Variants in RIMS1 observed in about 807,000 individuals in gnomAD.
RIMS1 encodes the protein regulating synaptic membrane exocytosis 1.
Under a neutral mutation model 214.1 loss-of-function variants are expected in RIMS1, and 83 were observed. That is an observed-to-expected ratio of 0.39 (90% CI 0.32 to 0.47). The LOEUF is 0.47. Ranked by LOEUF, RIMS1 falls within the 20% of genes least tolerant of loss-of-function variation. RIMS1 has a pLI of 0.99. For synonymous variants in RIMS1, 793 were observed against 786.8 expected (o/e 1.01, Z -0.13); for missense variants, 2,050 against 2,161.8 (o/e 0.95, Z 1.03).
At chr6:72,073,249 C>G (rs1222748938) in intron 2 of RIMS1, among the ~76,000 whole-genome samples, 1 of 152,110 alleles carries the variant, frequency 6.6e-6, no homozygotes, top group African/African-American at 2.4e-5. Flanking sequence ...TGTGTCTTAG[C>G]TCTTGTCACT....
At chr6:72,147,164 G>T in intron 4 of RIMS1, among the ~76,000 whole-genome samples, 1 of 152,152 alleles carries the variant, frequency 6.6e-6, no homozygotes, top group Non-Finnish European at 1.5e-5. Flanking sequence ...AAAGATTAAA[G>T]TCATATGAAT....
chr6:72,380,174 A>G (rs2098461540), intron 29 of RIMS1, among the ~76,000 whole-genome samples: 1 of 151,862 alleles, frequency 6.6e-6, no homozygotes, highest in Admixed American at 6.6e-5. Context: ...GCATGTTCTC[A>G]CTCATAGGTG....
intron 29 of RIMS1, among the ~76,000 whole-genome samples, chr6:72,351,486 C>A (rs1439958072): frequency 6.6e-6 from 1 of 152,154 alleles, no homozygotes; most frequent in Non-Finnish European, 1.5e-5. Flanking sequence ...TGTATTGTCA[C>A]ATTTAACCCT....
rs1357873069 is a variant in RIMS1, at chr6:72,118,803, A to G, written c.471+18817A>G. Among the ~76,000 whole-genome samples, 12 of 151,668 alleles carry G rather than the reference A, an allele frequency of 7.9e-5. No individual in the cohort carries two copies. In the Admixed American group the frequency reaches 7.9e-4, roughly 10 times the overall value. On this transcript the variant is annotated intron_variant, in intron 4 of 33. Coordinates refer to ENST00000521978, the MANE Select transcript of RIMS1 (RefSeq NM_014989.7). ...TTACGATAAAAATCCTCAACAACAT[A>G]GTCATAAAAGGTACCTACTTCAAAG...
intron 28 of RIMS1, among the ~76,000 whole-genome samples, chr6:72,320,805 A>G (rs1403810767): frequency 2.0e-5 from 3 of 152,024 alleles, no homozygotes; most frequent in Non-Finnish European, 4.4e-5. Flanking sequence ...CAAGCTCATT[A>G]CTTCAGCTTG....
chr6:72,338,961 T>C (rs896369480), intron 29 of RIMS1, among the ~76,000 whole-genome samples: 1 of 151,814 alleles, frequency 6.6e-6, no homozygotes, highest in Non-Finnish European at 1.5e-5. Context: ...GGTTAGTACA[T>C]GCTAGGCATC....
intron 2 of RIMS1, among the ~76,000 whole-genome samples, chr6:72,023,165 G>A (rs1815253826): frequency 2.0e-5 from 3 of 152,112 alleles, no homozygotes. Context: ...GCTTTTCAAT[G>A]TGATTTAAAT....
At chr6:72,245,480 A>G (rs1046644971) in intron 10 of RIMS1, among the ~76,000 whole-genome samples, 2 of 152,054 alleles carry the variant, frequency 1.3e-5, no homozygotes, top group African/African-American at 2.4e-5. Flanking sequence ...TTGATTTCCT[A>G]TAATTGAAGG....
At chr6:71,938,949 A>G (rs1347121220) in intron 1 of RIMS1, among the ~76,000 whole-genome samples, 2 of 152,300 alleles carry the variant, frequency 1.3e-5, no homozygotes, top group East Asian at 3.9e-4. Flanking sequence ...TTTAAGTTAT[A>G]AATTCTGTCT....
At chr6:72,311,532 G>GATATAATA (rs1404185752) in intron 27 of RIMS1, among the ~76,000 whole-genome samples, 1 of 152,052 alleles carries the variant, frequency 6.6e-6, no homozygotes, top group Non-Finnish European at 1.5e-5. Flanking sequence ...GCTCAGTTTA[G>GATATAATA]ATATAATAAC....
At chr6:72,307,686 G>T (rs1298559909) in intron 27 of RIMS1, among the ~76,000 whole-genome samples, 1 of 152,096 alleles carries the variant, frequency 6.6e-6, no homozygotes, top group African/African-American at 2.4e-5. Context: ...GGCGGAAGTT[G>T]CAGTGAGCCG....
intron 3 of RIMS1, among the ~76,000 whole-genome samples, chr6:72,098,511 T>C (rs2032591466): frequency 6.6e-6 from 1 of 152,076 alleles, no homozygotes; most frequent in South Asian, 2.1e-4. Flanking sequence ...ACCAGGCTGA[T>C]CTCGAACTCC....
chr6:72,315,115 A>G (rs1462934894), intron 28 of RIMS1, among the ~76,000 whole-genome samples: 1 of 152,196 alleles, frequency 6.6e-6, no homozygotes, highest in East Asian at 1.9e-4. Flanking sequence ...ATACAAGGAG[A>G]ATGGGGAAAA....
intron 2 of RIMS1, among the ~76,000 whole-genome samples, chr6:72,088,611 C>T (rs967057470): frequency 6.6e-6 from 1 of 152,110 alleles, no homozygotes; most frequent in African/African-American, 2.4e-5. Context: ...TCATGTTGCT[C>T]TCATAGAAGC....
chr6:72,006,865 G>A (rs558262058), intron 2 of RIMS1, among the ~76,000 whole-genome samples: 3 of 152,298 alleles, frequency 2.0e-5, no homozygotes, highest in South Asian at 2.1e-4. Context: ...GATGAAGGAG[G>A]TCTGCCTGCC....
At position 72,349,080 on chromosome 6, in the gene RIMS1, A is replaced by G. The variant is rs563230684; in HGVS notation, c.4366+15245A>G. 1.2e-3 allele frequency among the ~76,000 whole-genome samples: 180 copies of G among 152,112 alleles called. 1 individual carries two copies. The highest frequency in any genetic ancestry group is 2.2e-3 in the Admixed American group (33 of 15,228). ...CTAGTGAATTCTTACTTGGGAAACAAACCTCTGATATTGAAGCAGTACATT... is the reference window on the plus strand; with the variant it reads ...CTAGTGAATTCTTACTTGGGAAACAGACCTCTGATATTGAAGCAGTACATT... On this transcript the variant is annotated intron_variant, in intron 29 of 33. Coordinates refer to ENST00000521978, the MANE Select transcript of RIMS1 (RefSeq NM_014989.7).
chr6:72,399,795 T>C (rs1044629044), intron 33 of RIMS1, among the ~76,000 whole-genome samples: 3 of 152,162 alleles, frequency 2.0e-5, no homozygotes, highest in African/African-American at 7.2e-5. Context: ...GTTGAGAACC[T>C]TTACAGACGA....
At position 72,295,922 on chromosome 6, in the gene RIMS1, T is replaced by C. The variant is rs1196011954; in HGVS notation, c.3850+3876T>C. The C allele has an allele frequency of 5.8e-6, 3 of 516,972 alleles. No individual in the cohort carries two copies. The African/African-American group carries it at 6.2e-5, about 11-fold the overall frequency. The allele number at this position is 516,972 out of a possible 1,614,324, so 32.0% of individuals were successfully genotyped here. ...TCTTTTGTTTCCATCATTATGTGCA[T>C]TTAATTCATTGAAGAACAAGAAAAA... On this transcript the variant is annotated intron_variant, in intron 26 of 33. Coordinates refer to ENST00000521978, the MANE Select transcript of RIMS1 (RefSeq NM_014989.7).
chr6:72,212,455 T>G (rs1252064981), intron 6 of RIMS1, among the ~76,000 whole-genome samples: 2 of 152,044 alleles, frequency 1.3e-5, no homozygotes, highest in Non-Finnish European at 2.9e-5. Context: ...CAGTTAAAAA[T>G]ACAGCCTAAG....
Sources: allele counts gnomAD v4.1 joint callset (sites outside exome capture counted in the v4.1 genomes callset), GRCh38; gene constraint gnomAD v4.1.1; transcripts MANE v1.5; gene names NCBI Gene and HGNC (gene_info 2026-07-23, HGNC 2026-07-21).